Variants in CFLAR observed in about 807,000 individuals in gnomAD.
CFLAR encodes the protein CASP8 and FADD like apoptosis regulator.
A neutral mutation model predicts 51.1 loss-of-function variants in CFLAR; 14 were observed. The observed-to-expected ratio is 0.27, with a 90% CI of 0.18 to 0.43. CFLAR has a LOEUF of 0.43. Ranked by LOEUF, CFLAR falls within the 20% of genes least tolerant of loss-of-function variation. The pLI is 1.00. For missense variants in CFLAR, 390 were observed against 566.5 expected, an observed-to-expected ratio of 0.69 and a Z score of 3.16; for synonymous variants, 210 against 211.6, an observed-to-expected ratio of 0.99 and a Z score of 0.06.
chr2:201,166,855 C>T lies in CFLAR; in HGVS notation c.*2882C>T, dbSNP rs1943639269. 3 of 156,464 alleles carry T rather than the reference C, an allele frequency of 1.9e-5. No individual in the cohort carries two copies. The South Asian group carries it at 5.9e-4, about 31-fold the overall frequency. 9.7% of individuals were successfully genotyped at this position (156,464 alleles called of 1,614,324 possible). A position where few individuals can be genotyped will look rare whatever the true frequency, so the allele number is the denominator to read the frequency against. On this transcript the variant is annotated 3_prime_UTR_variant, in exon 10 of 10. Transcript: ENST00000309955. ...GGCGGCGCCCGCAATGGCAGGCACG[C>T]GGCAGGCCGAGGCGGGAGAATCAGG...
Position 201,169,548 on chromosome 2 carries a change from A to T in CFLAR, c.*5575A>T, listed in dbSNP as rs1943884205. 6.6e-6 allele frequency: 1 copy of T among 152,242 alleles called. No homozygotes were observed. The highest frequency in any genetic ancestry group is 1.5e-5 in the Non-Finnish European group (1 of 68,042). 9.4% of individuals were successfully genotyped at this position (152,242 alleles called of 1,614,324 possible). A position where few individuals can be genotyped will look rare whatever the true frequency, so the allele number is the denominator to read the frequency against. ...TACCATTCAAGACATAGGCACAAGC[A>T]AAGGTTTCATGACAAAAACATCAAA... is the stretch of plus-strand genomic sequence containing the variant. On this transcript the variant is annotated 3_prime_UTR_variant, in exon 10 of 10. Coordinates refer to ENST00000309955, the MANE Select transcript of CFLAR (RefSeq NM_003879.7).
chr2:201,145,663 C>T (rs1189672925), intron 6 of CFLAR: 15 of 456,818 alleles, frequency 3.3e-5, no homozygotes, highest in Admixed American at 1.5e-4. Context: ...TCATCTTGGC[C>T]GTATGTTAAG....
At chr2:201,154,199 C>A in intron 8 of CFLAR, 1 of 215,612 alleles carries the variant, frequency 4.6e-6, no homozygotes, top group Non-Finnish European at 9.7e-6. Flanking sequence ...TCAAGCGATT[C>A]TCCTGCCTCA....
Position 201,160,964 on chromosome 2 carries a change from A to C in CFLAR, c.1304+22A>C, listed in dbSNP as rs748500915. The C allele has an allele frequency of 6.4e-6, 10 of 1,563,146 alleles. No individual in the cohort carries two copies. In the South Asian group the frequency reaches 6.7e-5, roughly 10 times the overall value. Reference sequence around the variant, plus strand: ...AAAGGTGAGCCCCCAGGAGGTGGTCAGTTCCGGACCACCTGCTTATTTTCG... The same window carrying C: ...AAAGGTGAGCCCCCAGGAGGTGGTCCGTTCCGGACCACCTGCTTATTTTCG... On this transcript the variant is annotated intron_variant, in intron 9 of 9. Transcript: ENST00000309955.
At chr2:201,132,792 G>T in intron 2 of CFLAR, 1 of 379,774 alleles carries the variant, frequency 2.6e-6, no homozygotes, top group Non-Finnish European at 4.7e-6. Flanking sequence ...GAAACTGTTA[G>T]TTGGCAAAGG....
At position 201,169,570 on chromosome 2, in the gene CFLAR, C is replaced by G. The variant is rs1418551297; in HGVS notation, c.*5597C>G. ...AGCAAAGGTTTCATGACAAAAACAT[C>G]AAAAGCAATTGCAACAAAAGCAAAA... On this transcript the variant is annotated 3_prime_UTR_variant, in exon 10 of 10. Coordinates refer to ENST00000309955, the MANE Select transcript of CFLAR (RefSeq NM_003879.7). The G allele has an allele frequency of 2.0e-5, 3 of 152,084 alleles. No homozygotes were observed. In the South Asian group the frequency reaches 6.2e-4, roughly 32 times the overall value. 9.4% of individuals were successfully genotyped at this position (152,084 alleles called of 1,614,324 possible).
At chr2:201,149,450 A>C in intron 7 of CFLAR, 1 of 306,530 alleles carries the variant, frequency 3.3e-6, no homozygotes, top group Non-Finnish European at 6.1e-6. Context: ...GTTACTGTGG[A>C]GACAAATCAC....
chr2:201,128,928 A>G (rs977858659), intron 1 of CFLAR, among the ~76,000 whole-genome samples: 1 of 152,126 alleles, frequency 6.6e-6, no homozygotes, highest in Non-Finnish European at 1.5e-5. Flanking sequence ...GCCCCCTCCC[A>G]GGAGTGAGAT....
rs2049201773 is a variant in CFLAR, at chr2:201,130,599, C to T, written c.281+453C>T. On this transcript the variant is annotated intron_variant, in intron 2 of 9. Coordinates refer to ENST00000309955, the MANE Select transcript of CFLAR (RefSeq NM_003879.7). ...CAGGCTGGTCTTGAACTCCTGACCTCAAGTGATCCACCTGCCTTGGCTTCC... is the reference window on the plus strand; with the variant it reads ...CAGGCTGGTCTTGAACTCCTGACCTTAAGTGATCCACCTGCCTTGGCTTCC... Among the ~76,000 whole-genome samples the T allele has an allele frequency of 2.0e-5, 3 of 151,978 alleles. No homozygotes were observed. In the South Asian group the frequency reaches 6.2e-4, roughly 32 times the overall value.
In CFLAR at chr2:201,116,992, G is replaced by T. The variant is rs1365522723; in HGVS notation, c.-138+511G>T. ...TGTAAACTTTGCTTAAAATGATCTT[G>T]AGAGTTCAATTCTTGGGGTGAACTG... is the stretch of plus-strand genomic sequence containing the variant. On this transcript the variant is annotated intron_variant, in intron 1 of 9. Coordinates refer to ENST00000309955, the MANE Select transcript of CFLAR (RefSeq NM_003879.7). The surrounding 1 kb of genome is among the most constrained non-coding windows in gnomAD (Gnocchi z 4.8). 2 of 152,074 alleles carry T rather than the reference G, an allele frequency of 1.3e-5. No individual in the cohort carries two copies. The highest frequency in any genetic ancestry group is 4.8e-5 in the African/African-American group (2 of 41,392). The allele number at this position is 152,074 out of a possible 1,614,324, so 9.4% of individuals were successfully genotyped here. A position where few individuals can be genotyped will look rare whatever the true frequency, so the allele number is the denominator to read the frequency against.
Position 201,165,466 on chromosome 2 carries a change from T to A in CFLAR, c.*1493T>A, listed in dbSNP as rs1943445438. The A allele has an allele frequency of 6.6e-6, 1 of 152,066 alleles. No individual in the cohort carries two copies. Among genetic ancestry groups the A allele is most frequent in the Admixed American group, 6.6e-5 (1 of 15,254 alleles). The allele number at this position is 152,066 out of a possible 1,614,324, so 9.4% of individuals were successfully genotyped here. On this transcript the variant is annotated 3_prime_UTR_variant, in exon 10 of 10. Transcript: ENST00000309955. ...TTGTATTTTTAGTGGAGACAGGGTT[T>A]CCACCATGTTGGCCAGCGTGGTCTT...
At chr2:201,162,003 C>T (rs899790807) in intron 9 of CFLAR, among the ~76,000 whole-genome samples, 1 of 152,036 alleles carries the variant, frequency 6.6e-6, no homozygotes, top group Non-Finnish European at 1.5e-5. Flanking sequence ...GTACCTCGGC[C>T]TGCCAAAGTG....
At chr2:201,137,901 C>T in intron 4 of CFLAR, 1 of 772,842 alleles carries the variant, frequency 1.3e-6, no homozygotes. Context: ...CAGCAGGGAG[C>T]CCATCATCAC....
At chr2:201,141,445 C>A in intron 5 of CFLAR, 1 of 1,551,714 alleles carries the variant, frequency 6.4e-7, no homozygotes. Flanking sequence ...TAACATGGAA[C>A]TGCCTCTACT....
At chr2:201,139,814 AGAGGCCGGCGG>A (rs1287294099) in intron 4 of CFLAR, 1 of 152,828 alleles carries the variant, frequency 6.5e-6, no homozygotes, top group Non-Finnish European at 1.5e-5. Context: ...AAGGGAACTA[AGAGGCCGGCGG>A]GATCCTCCGT....
intron 8 of CFLAR, chr2:201,154,168 C>T (rs561025052): frequency 5.5e-5 from 14 of 256,728 alleles, no homozygotes; most frequent in African/African-American, 7.1e-5. Flanking sequence ...CTCAGCTCAC[C>T]GCAATCTCCA....
chr2:201,156,589 T>G (rs1183269758), intron 8 of CFLAR, among the ~76,000 whole-genome samples: 1 of 152,202 alleles, frequency 6.6e-6, no homozygotes, highest in East Asian at 1.9e-4. Context: ...AATGAAGTCA[T>G]GACATTTTAC....
At chr2:201,163,231 T>C in intron 9 of CFLAR, 1 of 1,301,098 alleles carries the variant, frequency 7.7e-7, no homozygotes, top group Non-Finnish European at 9.8e-7. Context: ...ATATAAACAT[T>C]TTTTTAATGT....
At chr2:201,144,911 G>A (rs1353464320) in intron 5 of CFLAR, among the ~76,000 whole-genome samples, 1 of 152,040 alleles carries the variant, frequency 6.6e-6, no homozygotes, top group Non-Finnish European at 1.5e-5. Flanking sequence ...GGAGTGCAAT[G>A]GCACCATCTC....
Sources: allele counts gnomAD v4.1 joint callset (sites outside exome capture counted in the v4.1 genomes callset), GRCh38; gene constraint gnomAD v4.1.1; non-coding constraint Gnocchi (gnomAD v3.1); transcripts MANE v1.5; gene names NCBI Gene and HGNC (gene_info 2026-07-23, HGNC 2026-07-21).